The following DMD variants were observed in gnomAD, a reference collection of about 807,000 sequenced individuals.
DMD encodes the protein dystrophin.
In DMD, 63 loss-of-function variants were observed where a neutral mutation model predicts 330.1. The observed-to-expected ratio is 0.19, with a 90% confidence interval of 0.16 to 0.24. The LOEUF (loss-of-function observed/expected upper bound fraction) is 0.24. Among genes scored for constraint, DMD ranks in the 10% least tolerant of loss-of-function variants. The pLI, the probability that DMD is intolerant of heterozygous loss-of-function variation, is 1.00. For missense variants in DMD, 3,344 were observed against 2,684.1 expected (o/e 1.25, Z -5.43); for synonymous variants, 1,223 against 959.8 (o/e 1.27, Z -5.07).
At chrX:32,424,661 G>A (rs1440451425) in intron 29 of DMD, among the ~76,000 whole-genome samples, 1 of 110,652 alleles carries the variant, frequency 9.0e-6, no homozygotes, top group Non-Finnish European at 1.9e-5. Context: ...TTTGAGTATG[G>A]GACCCAGTAT....
intron 1 of DMD, among the ~76,000 whole-genome samples, chrX:33,252,185 G>C (rs1349324829): frequency 8.9e-6 from 1 of 111,995 alleles, no homozygotes; most frequent in Non-Finnish European, 1.9e-5. Context: ...AATGAAATGA[G>C]TGAAAGAGGA....
At chrX:32,481,608 C>G (rs2041906494) in intron 21 of DMD, among the ~76,000 whole-genome samples, 1 of 111,498 alleles carries the variant, frequency 9.0e-6, no homozygotes, top group African/African-American at 3.2e-5. Context: ...AGCCCTCATT[C>G]TTCACCTTTG....
intron 19 of DMD, 41 bp from the exon 20 acceptor site, chrX:32,491,559 C>G (rs752810478): frequency 8.6e-7 from 1 of 1,167,115 alleles, no homozygotes; most frequent in South Asian, 1.9e-5. Context: ...CCTGAACCCA[C>G]AGACTGAAAG....
intron 29 of DMD, among the ~76,000 whole-genome samples, chrX:32,427,435 T>C (rs1385607543): frequency 1.8e-5 from 2 of 111,024 alleles, no homozygotes; most frequent in Non-Finnish European, 3.8e-5. Context: ...TTTAAAGCCA[T>C]GACACTGCAT....
At chrX:31,434,479 G>A (rs1186557894) in intron 60 of DMD, among the ~76,000 whole-genome samples, 3 of 94,987 alleles carry the variant, frequency 3.2e-5, no homozygotes, top group Non-Finnish European at 6.3e-5. Flanking sequence ...CACACATTTA[G>A]GTCCTTACTA....
chrX:33,211,247 A>G, intron 1 of DMD, 35 bp downstream of exon 1: 1 of 1,199,195 alleles, frequency 8.3e-7, no homozygotes, highest in South Asian at 1.8e-5. Context: ...ACGTTATGCC[A>G]CAGTAAAATA....
At chrX:31,977,402 G>A (rs139697799) in intron 44 of DMD, among the ~76,000 whole-genome samples, 1,266 of 111,016 alleles carry the variant, frequency 0.011, 27 homozygotes, top group African/African-American at 0.039. Flanking sequence ...GAAAGCTGTC[G>A]TTTCTCAGGC....
chrX:32,708,984 G>A (rs191172930), intron 7 of DMD, among the ~76,000 whole-genome samples: 39 of 111,895 alleles, frequency 3.5e-4, no homozygotes, highest in Admixed American at 2.3e-3. Context: ...CGAACATCAC[G>A]CATTTGTGTA....
In DMD at chrX:31,830,519, G is replaced by C. The variant is rs955622351; in HGVS notation, c.7200+6199C>G. Among the ~76,000 whole-genome samples the C allele has an allele frequency of 7.1e-5, 8 of 112,099 alleles. No individual in the cohort carries two copies. In the Admixed American group the frequency reaches 7.5e-4, roughly 11 times the overall value. On this transcript the variant is annotated intron_variant, in intron 49 of 78. Coordinates refer to ENST00000357033, the MANE Select transcript of DMD (RefSeq NM_004006.3). The stretch of plus-strand genomic sequence containing the variant: ...TGAGGCAGGAGAATCGCTTGAACCT[G>C]GGAGGTGTAGGTTGCGGTGAGCCGA...
rs3838945 is a variant in DMD, at chrX:32,769,817, G to GA, written c.649+39675dup. Among the ~76,000 whole-genome samples the GA allele has an allele frequency of 3.0e-3, 286 of 95,308 alleles. 1 individual carries two copies. The highest frequency in any genetic ancestry group is 4.5e-3 in the Admixed American group (40 of 8,833). 82.8% of individuals were successfully genotyped at this position (95,308 alleles called of 115,157 possible). ...AAACATTACTATCCAGGAAAAACCA[G>GA]AAAAAAAAAAAAACAGGAGGCTTAT... On this transcript the variant is annotated intron_variant, in intron 7 of 78. Transcript: ENST00000357033.
In DMD at chrX:31,421,914, C is replaced by CATATATAT. The variant is rs1266640554; in HGVS notation, c.9084+22559_9084+22566dup. On this transcript the variant is annotated intron_variant, in intron 60 of 78. Transcript: ENST00000357033. ...ATATATATATATACACACACACACA[C>CATATATAT]ATATATATATATATATATACACACA... is the stretch of plus-strand genomic sequence containing the variant. Among the ~76,000 whole-genome samples the CATATATAT allele has an allele frequency of 9.4e-5, 6 of 64,093 alleles. No homozygotes were observed. The South Asian group carries it at 3.6e-3, about 38-fold the overall frequency. 55.7% of individuals were successfully genotyped at this position (64,093 alleles called of 115,157 possible). A position where few individuals can be genotyped will look rare whatever the true frequency, so the allele number is the denominator to read the frequency against.
At chrX:32,408,134 T>G (rs1247159667) in intron 30 of DMD, among the ~76,000 whole-genome samples, 2 of 111,470 alleles carry the variant, frequency 1.8e-5, no homozygotes, top group Non-Finnish European at 3.8e-5. Context: ...AAAAAAAGAC[T>G]GTGAATTGGC....
chrX:33,008,870 A>G (rs1395167581), intron 2 of DMD, among the ~76,000 whole-genome samples: 2 of 49,798 alleles, frequency 4.0e-5, no homozygotes, highest in Non-Finnish European at 9.4e-5. Flanking sequence ...ATATACACAT[A>G]CTCATATATG....
intron 9 of DMD, among the ~76,000 whole-genome samples, chrX:32,687,819 G>T (rs776048188): frequency 3.6e-5 from 4 of 110,978 alleles, no homozygotes; most frequent in Non-Finnish European, 5.7e-5. Context: ...ATAGTTACTG[G>T]TGAACAAGGT....
chrX:32,543,463 T>C (rs1168632100), intron 17 of DMD, among the ~76,000 whole-genome samples: 1 of 111,650 alleles, frequency 9.0e-6, no homozygotes, highest in Non-Finnish European at 1.9e-5. Flanking sequence ...ATTAAAAGTG[T>C]TAGGCAACTA....
At chrX:31,734,895 C>T (rs1293467109) in intron 51 of DMD, among the ~76,000 whole-genome samples, 1 of 111,511 alleles carries the variant, frequency 9.0e-6, no homozygotes, top group East Asian at 2.8e-4. Context: ...TTAAATTATA[C>T]AAAACAGTTT....
At chrX:32,314,772 C>T (rs376528142) in intron 41 of DMD, among the ~76,000 whole-genome samples, 2 of 111,529 alleles carry the variant, frequency 1.8e-5, no homozygotes, top group Non-Finnish European at 3.8e-5. Context: ...ACGCGGCCAA[C>T]AAACATAAGA....
At chrX:31,682,592 G>A (rs1351221070) in intron 52 of DMD, among the ~76,000 whole-genome samples, 1 of 112,133 alleles carries the variant, frequency 8.9e-6, no homozygotes, top group Non-Finnish European at 1.9e-5. Flanking sequence ...ACTTATCATA[G>A]CAGGCTACTT....
At chrX:32,502,647 T>C (rs777598084) in intron 18 of DMD, among the ~76,000 whole-genome samples, 15 of 112,248 alleles carry the variant, frequency 1.3e-4, no homozygotes, top group Non-Finnish European at 2.3e-4. Context: ...CAAATAACTA[T>C]AACGCAATTA....
Sources: allele counts gnomAD v4.1 joint callset (sites outside exome capture counted in the v4.1 genomes callset), GRCh38; gene constraint gnomAD v4.1.1; transcripts MANE v1.5; gene names NCBI Gene and HGNC (gene_info 2026-07-23, HGNC 2026-07-21).